The following FREM3 variants were observed in gnomAD, a reference collection of about 807,000 sequenced individuals.
The protein encoded by FREM3 is FRAS1-related extracellular matrix protein 3.
A neutral mutation model predicts 129.1 loss-of-function variants in FREM3; 105 were observed. The observed-to-expected ratio is 0.81, with a 90% CI of 0.69 to 0.96. The LOEUF is 0.96. FREM3 is among the 40% of genes least tolerant of loss of function. FREM3 has a pLI of 0.00. For missense variants in FREM3, 2,593 were observed against 2,666.3 expected (o/e 0.97, Z 0.61); for synonymous variants, 1,014 against 1,044.9 (o/e 0.97, Z 0.57).
At chr4:143,659,536 A>C (rs1252580547) in intron 2 of FREM3, among the ~76,000 whole-genome samples, 2 of 151,572 alleles carry the variant, frequency 1.3e-5, no homozygotes, top group Admixed American at 6.6e-5. Flanking sequence ...GTGCCGCAAT[A>C]AACATACGTG....
intron 1 of FREM3, among the ~76,000 whole-genome samples, chr4:143,693,760 T>C (rs965825549): frequency 6.6e-6 from 1 of 152,230 alleles, no homozygotes; most frequent in Non-Finnish European, 1.5e-5. Flanking sequence ...TGGAATCCTA[T>C]GCAGCCATTA....
chr4:143,579,451 T>TCAAAAA (rs1490634937), intron 7 of FREM3, among the ~76,000 whole-genome samples: 2 of 152,246 alleles, frequency 1.3e-5, no homozygotes, highest in African/African-American at 4.8e-5. Context: ...AGAGCCTGTC[T>TCAAAAA]CAAAAACAAA....
intron 2 of FREM3, among the ~76,000 whole-genome samples, chr4:143,666,094 A>C (rs1739854620): frequency 6.6e-6 from 1 of 152,086 alleles, no homozygotes. Context: ...GGGTTTTACA[A>C]ACTTAAATTA....
At chr4:143,582,122 C>G in intron 7 of FREM3, among the ~76,000 whole-genome samples, 1 of 152,272 alleles carries the variant, frequency 6.6e-6, no homozygotes, top group East Asian at 1.9e-4. Flanking sequence ...GTCAAAAGCC[C>G]TTTGCCATTA....
chr4:143,669,881 G>T (rs1013046332), intron 2 of FREM3, among the ~76,000 whole-genome samples: 1 of 152,158 alleles, frequency 6.6e-6, no homozygotes, highest in African/African-American at 2.4e-5. Flanking sequence ...CAGCCAGATA[G>T]TGAGCATAGT....
chr4:143,664,656 C>T (rs908363509), intron 2 of FREM3, among the ~76,000 whole-genome samples: 1 of 152,178 alleles, frequency 6.6e-6, no homozygotes, highest in African/African-American at 2.4e-5. Context: ...GAGGTTACTG[C>T]TGTCTTTTTG....
chr4:143,640,885 A>T (rs536287853), intron 2 of FREM3, among the ~76,000 whole-genome samples: 3 of 152,148 alleles, frequency 2.0e-5, no homozygotes, highest in Non-Finnish European at 4.4e-5. Flanking sequence ...TGTCCGTAGT[A>T]TATATTATTT....
intron 2 of FREM3, among the ~76,000 whole-genome samples, chr4:143,642,256 A>T (rs1184333445): frequency 1.3e-5 from 2 of 152,184 alleles, no homozygotes; most frequent in African/African-American, 4.8e-5. Flanking sequence ...AACACAATAC[A>T]ATCCCTGTCA....
At chr4:143,683,817 G>T (rs1016476723) in intron 2 of FREM3, among the ~76,000 whole-genome samples, 1 of 152,138 alleles carries the variant, frequency 6.6e-6, no homozygotes, top group African/African-American at 2.4e-5. Flanking sequence ...GGGCTGTTGT[G>T]GGGGGCATGG....
intron 6 of FREM3, among the ~76,000 whole-genome samples, chr4:143,594,183 G>A (rs1316940377): frequency 6.6e-6 from 1 of 152,190 alleles, no homozygotes; most frequent in African/African-American, 2.4e-5. Context: ...TCCCGGGTGA[G>A]GCGATGCCTG....
intron 2 of FREM3, among the ~76,000 whole-genome samples, chr4:143,681,609 CA>C (rs1465783775): frequency 2.0e-5 from 3 of 152,066 alleles, no homozygotes; most frequent in African/African-American, 7.2e-5. Context: ...CCGGATTACT[CA>C]AAAACTGCAG....
At chr4:143,646,038 TGA>T (rs1243222306) in intron 2 of FREM3, among the ~76,000 whole-genome samples, 4 of 152,208 alleles carry the variant, frequency 2.6e-5, no homozygotes, top group African/African-American at 7.2e-5. Context: ...CCTTCCCCAG[TGA>T]GAGAGATGAA....
chr4:143,645,913 T>C (rs1390248866), intron 2 of FREM3, among the ~76,000 whole-genome samples: 1 of 152,248 alleles, frequency 6.6e-6, no homozygotes, highest in African/African-American at 2.4e-5. Context: ...CTTTTAATTA[T>C]TATTTACATG....
intron 2 of FREM3, among the ~76,000 whole-genome samples, chr4:143,657,187 C>T (rs1370317445): frequency 6.6e-6 from 1 of 152,188 alleles, no homozygotes; most frequent in Non-Finnish European, 1.5e-5. Flanking sequence ...GTTTCTGCAA[C>T]ACACTCATAT....
intron 2 of FREM3, among the ~76,000 whole-genome samples, chr4:143,655,575 C>T (rs75700737): frequency 0.03 from 4,505 of 152,310 alleles, 82 homozygotes; most frequent in Non-Finnish European, 0.043. Flanking sequence ...TACAATTAAA[C>T]TTGTGAAACA....
At chr4:143,643,349 A>G (rs1739356001) in intron 2 of FREM3, among the ~76,000 whole-genome samples, 1 of 152,196 alleles carries the variant, frequency 6.6e-6, no homozygotes, top group South Asian at 2.1e-4. Context: ...TACAATAGCC[A>G]AGATATTGGA....
intron 2 of FREM3, among the ~76,000 whole-genome samples, chr4:143,628,969 C>A (rs1158111070): frequency 6.6e-6 from 1 of 152,098 alleles, no homozygotes; most frequent in Non-Finnish European, 1.5e-5. Flanking sequence ...GGTGGGTCAT[C>A]TGTCCAGTAG....
chr4:143,631,538 C>T (rs972508719), intron 2 of FREM3, among the ~76,000 whole-genome samples: 1 of 152,112 alleles, frequency 6.6e-6, no homozygotes, highest in African/African-American at 2.4e-5. Flanking sequence ...AATATCTATA[C>T]ATTTTTATTT....
chr4:143,585,037 C>A lies in FREM3; in HGVS notation c.6178+807G>T, dbSNP rs566179752. ...TGCTCCTGAATGACTTCTGGGTAAA[C>A]AATGTAATTAAGGCAGAAACCAAGA... On this transcript the variant is annotated intron_variant, in intron 7 of 7. Coordinates refer to ENST00000329798, the MANE Select transcript of FREM3 (RefSeq NM_001168235.2). This position sits in a 1 kb window ranked among gnomAD's most constrained non-coding sequence, Gnocchi z 4.2. 6.6e-6 allele frequency among the ~76,000 whole-genome samples: 1 copy of A among 152,172 alleles called. No homozygotes were observed. Among genetic ancestry groups the A allele is most frequent in the East Asian group, 1.9e-4 (1 of 5,176 alleles).
Sources: gnomAD v4.1 joint callset for allele counts (sites outside exome capture counted in the v4.1 genomes callset) on GRCh38, gnomAD v4.1.1 for gene constraint, Gnocchi (gnomAD v3.1) non-coding constraint, MANE v1.5 for transcripts, NCBI Gene and HGNC (gene_info 2026-07-23, HGNC 2026-07-21) for gene names.